Variants in TBC1D9B observed in about 807,000 individuals in gnomAD.
TBC1D9B encodes TBC1 domain family, member 9B (with GRAM domain).
Under a neutral mutation model 121.1 loss-of-function variants are expected in TBC1D9B, and 87 were observed. The observed-to-expected ratio is 0.72, with a 90% CI of 0.60 to 0.86. TBC1D9B has a LOEUF of 0.86. Ranked by LOEUF, TBC1D9B falls within the 40% of genes least tolerant of loss-of-function variation. The probability of loss-of-function intolerance (pLI) is 0.00; values close to 1 mark genes in which losing one functional copy is unlikely to be tolerated. For synonymous variants in TBC1D9B, 668 were observed against 670.1 expected (o/e 1.00, Z 0.05); for missense variants, 1,540 against 1,628.6 (o/e 0.95, Z 0.94).
At chr5:179,879,604 G>A (rs1429580021) in intron 8 of TBC1D9B, 24 bp downstream of exon 8, 4 of 1,613,462 alleles carry the variant, frequency 2.5e-6, no homozygotes, top group Non-Finnish European at 2.5e-6. Flanking sequence ...GACGGAGGCT[G>A]GAGTGCCGGC....
chr5:179,882,784 G>A (rs1372050769), intron 7 of TBC1D9B, among the ~76,000 whole-genome samples: 1 of 152,144 alleles, frequency 6.6e-6, no homozygotes, highest in South Asian at 2.1e-4. Flanking sequence ...GGGAGGCAGA[G>A]GTTGCAGTGA....
chr5:179,877,117 G>C (rs1388469146), intron 10 of TBC1D9B, among the ~76,000 whole-genome samples: 1 of 150,718 alleles, frequency 6.6e-6, no homozygotes, highest in Non-Finnish European at 1.5e-5. Flanking sequence ...GTGGCTGGTG[G>C]CTCACGCCTA....
chr5:179,865,815 C>A lies in TBC1D9B; in HGVS notation c.2914+23G>T. 6.3e-7 allele frequency: 1 copy of A among 1,581,164 alleles called. No individual in the cohort carries two copies. The highest frequency in any genetic ancestry group is 8.6e-7 in the Non-Finnish European group (1 of 1,163,372). On this transcript the variant is annotated intron_variant, in intron 19 of 20. Transcript: ENST00000355235. The surrounding 1 kb of genome is among the most constrained non-coding windows in gnomAD (Gnocchi z 5.1). ...GCCTCAACGCTGGGGTCTCTAAGAA[C>A]AGCGGCAGAGAATGGCCTGTACCTC...
intron 18 of TBC1D9B, chr5:179,867,392 G>A (rs2113601684): frequency 6.7e-7 from 1 of 1,500,430 alleles, no homozygotes; most frequent in Non-Finnish European, 9.0e-7. Flanking sequence ...TCCTGATAGT[G>A]CAGGAAGAGT....
chr5:179,867,997 T>C (rs535624359), intron 17 of TBC1D9B, 148 bp from the exon 18 acceptor site: 3 of 572,850 alleles, frequency 5.2e-6, no homozygotes, highest in Non-Finnish European at 8.3e-6. Flanking sequence ...TGCCCGGTAA[T>C]AGTTTTGATG....
intron 7 of TBC1D9B, chr5:179,880,119 G>A (rs774749180): frequency 1.4e-5 from 5 of 348,250 alleles, no homozygotes; most frequent in South Asian, 8.6e-5. Flanking sequence ...CTATCCTAAC[G>A]TGGAGGCACA....
rs149984150 is a variant in TBC1D9B, at chr5:179,875,977, G to T, written c.1843C>A (p.Leu615Ile). 41 of 1,612,130 alleles carry T rather than the reference G, an allele frequency of 2.5e-5. No homozygotes were observed. In the African/African-American group the frequency reaches 4.3e-4, roughly 17 times the overall value. Residue 615 changes from leucine (L) to isoleucine (I), a missense_variant, in exon 11 of 21, where the codon CTC becomes ATC. Coordinates refer to ENST00000355235, the MANE Select transcript of TBC1D9B (RefSeq NM_015043.4). This position sits in a 1 kb window ranked among gnomAD's most constrained non-coding sequence, Gnocchi z 4.5. ...ATGCGCTCGCACAGGGCCACCAGGA[G>T]CCAGAAGGCCTCCTCCTCACTGCCA... ...LYGSEEEAFW[L>I]LVALCERMLP...
intron 3 of TBC1D9B, 26 bp downstream of exon 3, chr5:179,899,162 GA>G (rs1761100057): frequency 1.3e-6 from 2 of 1,578,392 alleles, no homozygotes; most frequent in African/African-American, 2.7e-5. Context: ...GGAAGGGTGA[GA>G]ACAGAGAGTG....
In TBC1D9B at chr5:179,874,403, G is replaced by A. The variant is rs779331630; in HGVS notation, c.2186+499C>T. Among the ~76,000 whole-genome samples the A allele has an allele frequency of 5.9e-5, 9 of 152,000 alleles. No homozygotes were observed. The highest frequency in any genetic ancestry group is 1.3e-4 in the Non-Finnish European group (9 of 67,992). On this transcript the variant is annotated intron_variant, in intron 12 of 20. Coordinates refer to ENST00000355235, the MANE Select transcript of TBC1D9B (RefSeq NM_015043.4). The surrounding 1 kb of genome is among the most constrained non-coding windows in gnomAD (Gnocchi z 4.3). ...ATGGGATGTGGGGACTAAGGAGGGGGTGGAGGGGCTGGGATGACCCTGGAC... is the reference window on the plus strand; with the variant it reads ...ATGGGATGTGGGGACTAAGGAGGGGATGGAGGGGCTGGGATGACCCTGGAC...
intron 12 of TBC1D9B, 132 bp from the exon 13 acceptor site, chr5:179,873,380 C>G (rs1279938624): frequency 1.5e-6 from 2 of 1,337,836 alleles, no homozygotes; most frequent in Admixed American, 6.1e-5. Flanking sequence ...GACTGGGCAC[C>G]CTGCAGGAGG....
At chr5:179,877,016 A>G (rs1417672334) in intron 10 of TBC1D9B, among the ~76,000 whole-genome samples, 1 of 144,700 alleles carries the variant, frequency 6.9e-6, no homozygotes, top group African/African-American at 2.6e-5. Context: ...GGCTGCAGTG[A>G]GCCATGATCA....
At chr5:179,867,705 C>G (rs780104880) in intron 18 of TBC1D9B, 73 bp downstream of exon 18, 1 of 1,596,316 alleles carries the variant, frequency 6.3e-7, no homozygotes, top group Non-Finnish European at 8.6e-7. Context: ...GGCCACTGCC[C>G]GAGCCCCACA....
intron 9 of TBC1D9B, 66 bp downstream of exon 9, chr5:179,878,981 T>C (rs1760446615): frequency 6.4e-7 from 1 of 1,561,768 alleles, no homozygotes; most frequent in Non-Finnish European, 8.6e-7. Context: ...ACAGACGAGC[T>C]CACACGGGGA....
rs1183490314 is a variant in TBC1D9B at position 179,907,210 on chromosome 5, G to C, written c.118+494C>G. On this transcript the variant is annotated intron_variant, in intron 1 of 20. Transcript: ENST00000355235. This position sits in a 1 kb window ranked among gnomAD's most constrained non-coding sequence, Gnocchi z 5.3. ...GGAATGGGGGTGCGGCCAGCTCCAGGGACCTCTGATCTTGCTAAAAGGGCG... is the reference window on the plus strand; with the variant it reads ...GGAATGGGGGTGCGGCCAGCTCCAGCGACCTCTGATCTTGCTAAAAGGGCG... Among the ~76,000 whole-genome samples the C allele has an allele frequency of 2.0e-5, 3 of 152,286 alleles. No individual in the cohort carries two copies. The highest frequency in any genetic ancestry group is 3.9e-4 in the East Asian group (2 of 5,174).
In TBC1D9B at chr5:179,885,305, A is replaced by G. The variant is rs939110407; in HGVS notation, c.1254+2798T>C. Among the ~76,000 whole-genome samples, 19 of 152,180 alleles carry G rather than the reference A, an allele frequency of 1.2e-4. No individual in the cohort carries two copies. Among genetic ancestry groups the G allele is most frequent in the African/African-American group, 4.1e-4 (17 of 41,442 alleles). ...ACAGGAATCAATTAAAAAATGATGG[A>G]GTGGCCAGGCACGGTGGCTCACCCC... On this transcript the variant is annotated intron_variant, in intron 7 of 20. Coordinates refer to ENST00000355235, the MANE Select transcript of TBC1D9B (RefSeq NM_015043.4). This position sits in a 1 kb window ranked among gnomAD's most constrained non-coding sequence, Gnocchi z 4.5.
Position 179,891,491 on chromosome 5 carries a change from C to T in TBC1D9B, c.932G>A (p.Trp311Ter), listed in dbSNP as rs1238084931. ...RLDGHTSCTLWTPFNKLHIPG... is the reference protein window; with the variant it reads ...RLDGHTSCTL ...GATGTGCAGCTTGTTGAACGGCGTC[C>T]ACAGGGTGCAGCTTGTGTGGCCGTC... Residue 311 changes from tryptophan (W) to a stop codon, truncating the protein, a stop_gained, in exon 6 of 21, where the codon TGG (tryptophan) becomes TAG (stop). Coordinates refer to ENST00000355235, the MANE Select transcript of TBC1D9B (RefSeq NM_015043.4). LOFTEE classifies it high-confidence loss of function. This position sits in a 1 kb window ranked among gnomAD's most constrained non-coding sequence, Gnocchi z 4.3. 25 of 1,614,090 alleles carry T rather than the reference C, an allele frequency of 1.5e-5. No homozygotes were observed. Among genetic ancestry groups the T allele is most frequent in the Non-Finnish European group, 2.0e-5 (24 of 1,180,042 alleles).
chr5:179,863,123 A>G lies in TBC1D9B; in HGVS notation c.*325T>C. 1 of 344,590 alleles carries G rather than the reference A, an allele frequency of 2.9e-6. No homozygotes were observed. The highest frequency in any genetic ancestry group is 3.7e-5 in the South Asian group (1 of 27,322). 21.3% of individuals were successfully genotyped at this position (344,590 alleles called of 1,614,324 possible). A position where few individuals can be genotyped will look rare whatever the true frequency, so the allele number is the denominator to read the frequency against. On this transcript the variant is annotated 3_prime_UTR_variant, in exon 21 of 21. Coordinates refer to ENST00000355235, the MANE Select transcript of TBC1D9B (RefSeq NM_015043.4). This position sits in a 1 kb window ranked among gnomAD's most constrained non-coding sequence, Gnocchi z 4.5. ...TGGCCGCAGTGTGGAGCACAGAGGTATGAGGCAAGCAAGGGCAGATCTGAG... is the reference window on the plus strand; with the variant it reads ...TGGCCGCAGTGTGGAGCACAGAGGTGTGAGGCAAGCAAGGGCAGATCTGAG...
intron 15 of TBC1D9B, chr5:179,870,786 G>C (rs1018214494): frequency 2.1e-5 from 9 of 432,012 alleles, no homozygotes; most frequent in African/African-American, 7.9e-5. Context: ...CAGGGCTCCA[G>C]GGAAACAAGA....
chr5:179,869,695 G>C (rs757886796), intron 17 of TBC1D9B, 74 bp downstream of exon 17: 6 of 1,538,792 alleles, frequency 3.9e-6, no homozygotes, highest in Non-Finnish European at 1.8e-6. Context: ...CAGTCTCACA[G>C]AGGCCTGTCC....
Sources: gnomAD v4.1 joint callset for allele counts (sites outside exome capture counted in the v4.1 genomes callset) on GRCh38, gnomAD v4.1.1 for gene constraint, Gnocchi (gnomAD v3.1) non-coding constraint, MANE v1.5 for transcripts, NCBI Gene and HGNC (gene_info 2026-07-23, HGNC 2026-07-21) for gene names.